The following DGKB variants were observed in gnomAD, a reference collection of about 807,000 sequenced individuals.
The protein encoded by DGKB is diacylglycerol kinase beta.
Under a neutral mutation model 114.3 loss-of-function variants are expected in DGKB, and 67 were observed. The ratio of observed to expected loss-of-function variants is 0.59; its 90% CI spans 0.48 to 0.72. The LOEUF is 0.72. Ranked by LOEUF, DGKB falls within the 30% of genes least tolerant of loss-of-function variation. The pLI, the probability that DGKB is intolerant of heterozygous loss-of-function variation, is 0.00. For missense variants in DGKB, 907 were observed against 975.2 expected (o/e 0.93, Z 0.93); for synonymous variants, 398 against 323.1 (o/e 1.23, Z -2.49).
rs190295260 is a variant in DGKB at position 14,909,372 on chromosome 7, T to C, written c.-188+65324A>G. 1.5e-3 allele frequency among the ~76,000 whole-genome samples: 223 copies of C among 152,312 alleles called. 2 individuals carry two copies. Among genetic ancestry groups the C allele is most frequent in the African/African-American group, 5.3e-3 (220 of 41,570 alleles). On this transcript the variant is annotated intron_variant, in intron 1 of 4. Transcript: ENST00000437998. ...GTGCAATGTTGCCTTGTACTAATCA[T>C]TCTTATATGCTTTTAATAGCCTCTT...
intron 20 of DGKB, among the ~76,000 whole-genome samples, chr7:14,485,629 T>C (rs1327259903): frequency 6.6e-6 from 1 of 151,826 alleles, no homozygotes; most frequent in Non-Finnish European, 1.5e-5. Flanking sequence ...CCGGGTGCGG[T>C]GGCTCACGCC....
chr7:14,483,569 T>A (rs941601967), intron 20 of DGKB, among the ~76,000 whole-genome samples: 1 of 152,160 alleles, frequency 6.6e-6, no homozygotes. Flanking sequence ...CAGTTAGCAG[T>A]GGGATGACTG....
intron 1 of DGKB, among the ~76,000 whole-genome samples, chr7:14,851,182 T>C (rs1358010478): frequency 6.6e-6 from 1 of 152,172 alleles, no homozygotes; most frequent in African/African-American, 2.4e-5. Context: ...TGTGGGTGGC[T>C]TAATATAAAA....
chr7:14,182,447 T>C (rs1217828679), intron 23 of DGKB, among the ~76,000 whole-genome samples: 1 of 152,100 alleles, frequency 6.6e-6, no homozygotes, highest in African/African-American at 2.4e-5. Flanking sequence ...GACTCCCTTT[T>C]TTAGCCTACG....
intron 23 of DGKB, among the ~76,000 whole-genome samples, chr7:14,185,181 G>A (rs575248077): frequency 2.8e-4 from 42 of 152,244 alleles, no homozygotes; most frequent in African/African-American, 9.6e-4. Flanking sequence ...GTTTCCAGAT[G>A]CAGGATTAAT....
chr7:14,612,688 A>G (rs545558878), intron 16 of DGKB, among the ~76,000 whole-genome samples: 1 of 152,202 alleles, frequency 6.6e-6, no homozygotes, highest in East Asian at 1.9e-4. Flanking sequence ...TCTAAAAAGC[A>G]TTAAGGCAGG....
chr7:14,582,614 TATGATG>T (rs1002414665), intron 18 of DGKB, among the ~76,000 whole-genome samples: 58 of 152,018 alleles, frequency 3.8e-4, no homozygotes, highest in African/African-American at 1.3e-3. Flanking sequence ...AAAAATTAGC[TATGATG>T]ATGATGATGA....
chr7:14,209,865 A>T (rs950980000), intron 23 of DGKB, among the ~76,000 whole-genome samples: 2 of 149,700 alleles, frequency 1.3e-5, no homozygotes, highest in African/African-American at 5.0e-5. Flanking sequence ...GCTATCTGGC[A>T]AATTGAAAAG....
At chr7:14,272,684 T>C (rs1185796809) in intron 23 of DGKB, among the ~76,000 whole-genome samples, 2 of 152,100 alleles carry the variant, frequency 1.3e-5, no homozygotes, top group African/African-American at 4.8e-5. Context: ...CATAGACCCA[T>C]TAGTGTCTAT....
At chr7:14,164,641 T>C (rs1308785282) in intron 25 of DGKB, among the ~76,000 whole-genome samples, 1 of 152,194 alleles carries the variant, frequency 6.6e-6, no homozygotes, top group Non-Finnish European at 1.5e-5. Flanking sequence ...TCAGTTTAAC[T>C]GTAAATGATA....
intron 21 of DGKB, among the ~76,000 whole-genome samples, chr7:14,450,313 G>T (rs1831297440): frequency 6.6e-6 from 1 of 152,106 alleles, no homozygotes; most frequent in South Asian, 2.1e-4. Flanking sequence ...TTTTACTCTT[G>T]CAAGTGTTAG....
intron 25 of DGKB, among the ~76,000 whole-genome samples, chr7:14,170,159 AAGAAAGAAAG>A (rs1780728986): frequency 1.1e-5 from 1 of 88,202 alleles, no homozygotes; most frequent in African/African-American, 6.4e-5. Flanking sequence ...GAAAGAAAGA[AAGAAAGAAAG>A]AAAGAAAGAA....
At chr7:14,514,913 G>T (rs982528666) in intron 20 of DGKB, among the ~76,000 whole-genome samples, 3 of 152,002 alleles carry the variant, frequency 2.0e-5, no homozygotes, top group Non-Finnish European at 2.9e-5. Context: ...ATTGGCCAGT[G>T]GTAGTCCGCA....
intron 1 of DGKB, among the ~76,000 whole-genome samples, chr7:14,929,022 T>TATACACAC (rs71548101): frequency 1.4e-5 from 2 of 146,748 alleles, no homozygotes; most frequent in African/African-American, 5.0e-5. Flanking sequence ...GCATTGTGTA[T>TATACACAC]ACACACACAC....
At chr7:14,494,738 A>G (rs994320142) in intron 20 of DGKB, among the ~76,000 whole-genome samples, 2 of 151,950 alleles carry the variant, frequency 1.3e-5, no homozygotes, top group African/African-American at 4.8e-5. Flanking sequence ...GGTATTCAAA[A>G]TTACACATTT....
chr7:14,727,608 T>C (rs138931742), intron 5 of DGKB, among the ~76,000 whole-genome samples: 2 of 152,276 alleles, frequency 1.3e-5, no homozygotes, highest in Admixed American at 1.3e-4. Flanking sequence ...CAGTAATAAG[T>C]ATATCGACAT....
chr7:14,698,749 C>G (rs1393327756), intron 7 of DGKB, among the ~76,000 whole-genome samples: 1 of 152,090 alleles, frequency 6.6e-6, no homozygotes, highest in Non-Finnish European at 1.5e-5. Context: ...GCTCAATTAT[C>G]AACTCTTTGA....
At chr7:14,177,652 T>C (rs560340200) in intron 24 of DGKB, among the ~76,000 whole-genome samples, 44 of 152,110 alleles carry the variant, frequency 2.9e-4, no homozygotes, top group South Asian at 8.3e-4. Flanking sequence ...AATCTTACTG[T>C]GGCACTTTAG....
At chr7:14,752,276 A>G (rs1834245643) in intron 4 of DGKB, among the ~76,000 whole-genome samples, 1 of 152,170 alleles carries the variant, frequency 6.6e-6, no homozygotes, top group Non-Finnish European at 1.5e-5. Flanking sequence ...AGACATTTAA[A>G]ATATTACTTT....
Sources: allele counts gnomAD v4.1 joint callset (sites outside exome capture counted in the v4.1 genomes callset), GRCh38; gene constraint gnomAD v4.1.1; transcripts MANE v1.5; gene names NCBI Gene and HGNC (gene_info 2026-07-23, HGNC 2026-07-21).